Variants in SLC66A1 observed in about 807,000 individuals in gnomAD.
The protein encoded by SLC66A1 is solute carrier family 66 member 1.
In SLC66A1, 23 loss-of-function variants were observed where a neutral mutation model predicts 33.0. The ratio of observed to expected loss-of-function variants is 0.70; its 90% CI spans 0.50 to 0.99. The LOEUF (loss-of-function observed/expected upper bound fraction) is 0.99, where lower values mean the gene tolerates loss of function less well. Among genes scored for constraint, SLC66A1 ranks in the 50% least tolerant of loss-of-function variants. SLC66A1 has a pLI of 0.00. For missense variants in SLC66A1, 335 were observed against 383.6 expected (o/e 0.87, Z 1.06); for synonymous variants, 164 against 175.5 (o/e 0.93, Z 0.52).
intron 5 of SLC66A1, 63 bp downstream of exon 5, chr1:19,326,450 C>T (rs2093867738): frequency 6.2e-7 from 1 of 1,610,972 alleles, no homozygotes; most frequent in African/African-American, 1.3e-5. Context: ...CTCTCCCCTG[C>T]ACAGCCTCAT....
downstream of SLC66A1, among the ~76,000 whole-genome samples, chr1:19,332,901 G>A (rs558543919): frequency 2.6e-5 from 4 of 152,300 alleles, no homozygotes; most frequent in Non-Finnish European, 4.4e-5. Flanking sequence ...CCCTTAGGAC[G>A]CCCACATGGA....
intron 7 of SLC66A1, 145 bp downstream of exon 7, chr1:19,327,557 A>G: frequency 6.0e-6 from 2 of 334,044 alleles, no homozygotes; most frequent in Non-Finnish European, 9.1e-6. Flanking sequence ...CCCTCCCTCC[A>G]TCTGTTCACC....
downstream of SLC66A1, among the ~76,000 whole-genome samples, chr1:19,331,805 G>A (rs1026705740): frequency 4.6e-5 from 7 of 152,240 alleles, no homozygotes; most frequent in Admixed American, 1.3e-4. Context: ...AACTGGGGCC[G>A]GGTGGGGAAG....
rs2093812351 is a variant in SLC66A1 at position 19,317,584 on chromosome 1, C to A, written c.-78-16C>A. The A allele has an allele frequency of 2.7e-5, 42 of 1,533,506 alleles. No homozygotes were observed. The highest frequency in any genetic ancestry group is 3.7e-5 in the Non-Finnish European group (42 of 1,143,450). 95.0% of individuals were successfully genotyped at this position (1,533,506 alleles called of 1,614,324 possible). A position where few individuals can be genotyped will look rare whatever the true frequency, so the allele number is the denominator to read the frequency against. ...GACCTCCCAGTGCTGAAAGCCTCCT[C>A]CCTTCCTCCCTGTAGAACCCTTGCT... On this transcript the variant is annotated splice_polypyrimidine_tract_variant and intron_variant, in intron 1 of 7. Transcript: ENST00000375153.
In SLC66A1 at chr1:19,329,073, A is replaced by G. The variant is rs190703572; in HGVS notation, c.*430A>G. 7.1e-3 allele frequency: 1,331 copies of G among 188,426 alleles called. 12 individuals are homozygous for G. Among genetic ancestry groups the G allele is most frequent in the Non-Finnish European group, 9.7e-3 (880 of 90,608 alleles). The allele number at this position is 188,426 out of a possible 1,614,324, so 11.7% of individuals were successfully genotyped here. ...GTAGTTCGAGACCAGCCTGGCCAAC[A>G]TGGTGAAACCCCATCTCTACTAAAA... On this transcript the variant is annotated 3_prime_UTR_variant, in exon 8 of 8. Transcript: ENST00000375153.
intron 3 of SLC66A1, 102 bp from the exon 4 acceptor site, chr1:19,325,393 C>A: frequency 1.3e-6 from 1 of 763,692 alleles, no homozygotes; most frequent in South Asian, 1.6e-5. Flanking sequence ...GGAGAAGTGA[C>A]TTGGTCCGGG....
At chr1:19,327,489 A>G in intron 7 of SLC66A1, 77 bp downstream of exon 7, 1 of 1,489,766 alleles carries the variant, frequency 6.7e-7, no homozygotes, top group East Asian at 2.4e-5. Flanking sequence ...GTCAGCACTC[A>G]TCCGTCTCTT....
At position 19,328,106 on chromosome 1, in the gene SLC66A1, T is replaced by C; in HGVS notation, c.805-466T>C. The C allele has an allele frequency of 3.7e-6, 1 of 267,202 alleles. No homozygotes were observed. The highest frequency in any genetic ancestry group is 1.1e-4 in the East Asian group (1 of 8,788). The allele number at this position is 267,202 out of a possible 1,614,324, so 16.6% of individuals were successfully genotyped here. A position where few individuals can be genotyped will look rare whatever the true frequency, so the allele number is the denominator to read the frequency against. ...CCGTTTTCAGTGAGGGCTCAGAAAGTGTTTGCTGAATGGCTGTAAAGAGCG... is the reference window on the plus strand; with the variant it reads ...CCGTTTTCAGTGAGGGCTCAGAAAGCGTTTGCTGAATGGCTGTAAAGAGCG... On this transcript the variant is annotated intron_variant, in intron 7 of 7. Transcript: ENST00000375153. This position sits in a 1 kb window ranked among gnomAD's most constrained non-coding sequence, Gnocchi z 4.7.
chr1:19,326,066 AG>A (rs1222092419), intron 4 of SLC66A1, among the ~76,000 whole-genome samples, 178 bp from the exon 5 acceptor site: 1 of 152,198 alleles, frequency 6.6e-6, no homozygotes, highest in East Asian at 1.9e-4. Flanking sequence ...TTATAACTCT[AG>A]GAGAAGGGTA....
At chr1:19,329,722 G>A (rs201799646), downstream of SLC66A1, among the ~76,000 whole-genome samples, 5 of 152,188 alleles carry the variant, frequency 3.3e-5, no homozygotes, top group East Asian at 3.9e-4. Flanking sequence ...CAGATCTGGC[G>A]CATAGTAAGG....
At chr1:19,321,514 C>A (rs2093837414) in intron 2 of SLC66A1, among the ~76,000 whole-genome samples, 1 of 149,180 alleles carries the variant, frequency 6.7e-6, no homozygotes. Context: ...GTAACTCTTA[C>A]ATTTAGGTGT....
At chr1:19,313,875 C>G (rs2093791260) in intron 1 of SLC66A1, among the ~76,000 whole-genome samples, 1 of 152,184 alleles carries the variant, frequency 6.6e-6, no homozygotes, top group Admixed American at 6.5e-5. Flanking sequence ...TTGGGTGTGG[C>G]AGGAGATGTC....
At chr1:19,324,425 G>A (rs1440470683) in intron 2 of SLC66A1, among the ~76,000 whole-genome samples, 3 of 152,222 alleles carry the variant, frequency 2.0e-5, no homozygotes, top group Non-Finnish European at 4.4e-5. Flanking sequence ...AGAGTCCTCG[G>A]CTTAGAAGGG....
chr1:19,312,975 C>G (rs41264063), intron 1 of SLC66A1, 86 bp downstream of exon 1: 4,802 of 153,104 alleles, frequency 0.031, 119 homozygotes, highest in Non-Finnish European at 0.055. Flanking sequence ...GTCTAATCAA[C>G]GCTTACTGAA....
Position 19,328,225 on chromosome 1 carries a change from C to T in SLC66A1, c.805-347C>T, listed in dbSNP as rs767497271. Reference sequence around the variant, plus strand: ...GCGCAGGGAGGGGTGAAAGTTTAGGCTCTTGTGCCCCAAAACGGCCCAGCC... The same window carrying T: ...GCGCAGGGAGGGGTGAAAGTTTAGGTTCTTGTGCCCCAAAACGGCCCAGCC... On this transcript the variant is annotated intron_variant, in intron 7 of 7. Transcript: ENST00000375153. The surrounding 1 kb of genome is among the most constrained non-coding windows in gnomAD (Gnocchi z 4.7). 2.2e-5 allele frequency: 10 copies of T among 448,850 alleles called. No individual in the cohort carries two copies. In the East Asian group the frequency reaches 4.1e-4, roughly 18 times the overall value. The allele number at this position is 448,850 out of a possible 1,614,324, so 27.8% of individuals were successfully genotyped here. A position where few individuals can be genotyped will look rare whatever the true frequency, so the allele number is the denominator to read the frequency against.
chr1:19,329,054 C>T lies in SLC66A1; in HGVS notation c.*411C>T, dbSNP rs1142405. On this transcript the variant is annotated 3_prime_UTR_variant, in exon 8 of 8. Transcript: ENST00000375153. Reference sequence around the variant, plus strand: ...GGTGGACCACTTGACGTCCGTAGTTCGAGACCAGCCTGGCCAACATGGTGA... The same window carrying T: ...GGTGGACCACTTGACGTCCGTAGTTTGAGACCAGCCTGGCCAACATGGTGA... 3.0e-5 allele frequency: 6 copies of T among 201,612 alleles called. No homozygotes were observed. Among genetic ancestry groups the T allele is most frequent in the Admixed American group, 5.6e-5 (1 of 17,934 alleles). The allele number at this position is 201,612 out of a possible 1,614,324, so 12.5% of individuals were successfully genotyped here. A position where few individuals can be genotyped will look rare whatever the true frequency, so the allele number is the denominator to read the frequency against.
rs1224928628 is a variant in SLC66A1 at position 19,328,277 on chromosome 1, C to G, written c.805-295C>G. On this transcript the variant is annotated intron_variant, in intron 7 of 7. Transcript: ENST00000375153. This position sits in a 1 kb window ranked among gnomAD's most constrained non-coding sequence, Gnocchi z 4.7. ...CCTGGAAGCCTCCAGGACGCCACAGCTGAGAGCAAGCGAAGATCCTGGGCC... is the reference window on the plus strand; with the variant it reads ...CCTGGAAGCCTCCAGGACGCCACAGGTGAGAGCAAGCGAAGATCCTGGGCC... Among the ~76,000 whole-genome samples, 1 of 152,186 alleles carries G rather than the reference C, an allele frequency of 6.6e-6. No homozygotes were observed. Among genetic ancestry groups the G allele is most frequent in the African/African-American group, 2.4e-5 (1 of 41,446 alleles).
chr1:19,324,598 C>T (rs773755233), intron 2 of SLC66A1, 35 bp from the exon 3 acceptor site: 13 of 1,613,218 alleles, frequency 8.1e-6, no homozygotes, highest in South Asian at 1.1e-5. Context: ...GTAAGGTGGC[C>T]TGAGCATGCA....
intron 1 of SLC66A1, among the ~76,000 whole-genome samples, chr1:19,313,676 G>A (rs1262552692): frequency 6.6e-6 from 1 of 152,224 alleles, no homozygotes; most frequent in African/African-American, 2.4e-5. Context: ...GCAGAAGCCT[G>A]GAGACCTGAA....
Sources: gnomAD v4.1 joint callset for allele counts (sites outside exome capture counted in the v4.1 genomes callset) on GRCh38, gnomAD v4.1.1 for gene constraint, Gnocchi (gnomAD v3.1) non-coding constraint, MANE v1.5 for transcripts, NCBI Gene and HGNC (gene_info 2026-07-23, HGNC 2026-07-21) for gene names.